The following PHACTR1 variants were observed in gnomAD, a reference collection of about 807,000 sequenced individuals.
PHACTR1 encodes the protein RPEL repeat containing 1.
PHACTR1 carries 16 observed loss-of-function variants against 69.2 expected under a neutral mutation model. The observed-to-expected ratio is 0.23, with a 90% CI of 0.16 to 0.35. PHACTR1 has a LOEUF of 0.35. Ranked by LOEUF, PHACTR1 falls within the 10% of genes least tolerant of loss-of-function variation. PHACTR1 has a pLI of 1.00. For synonymous variants in PHACTR1, 312 were observed against 284.5 expected (o/e 1.10, Z -0.97); for missense variants, 510 against 734.7 (o/e 0.69, Z 3.54).
chr6:13,064,888 T>C (rs1056228085), intron 5 of PHACTR1, among the ~76,000 whole-genome samples: 1 of 151,946 alleles, frequency 6.6e-6, no homozygotes, highest in Non-Finnish European at 1.5e-5. Flanking sequence ...TAGGAATAGA[T>C]TGAAATACAG....
At chr6:12,884,681 G>C (rs1351452450) in intron 4 of PHACTR1, among the ~76,000 whole-genome samples, 1 of 152,204 alleles carries the variant, frequency 6.6e-6, no homozygotes, top group Non-Finnish European at 1.5e-5. Context: ...GGTTACAGGC[G>C]TAAGCCACCG....
chr6:13,095,662 G>A (rs1291287177), intron 5 of PHACTR1, among the ~76,000 whole-genome samples: 1 of 151,630 alleles, frequency 6.6e-6, no homozygotes, highest in African/African-American at 2.4e-5. Flanking sequence ...AATGGAGGAT[G>A]CAGGCAAAGG....
chr6:13,270,694 C>G (rs920130425), intron 10 of PHACTR1, among the ~76,000 whole-genome samples: 1 of 152,210 alleles, frequency 6.6e-6, no homozygotes, highest in Admixed American at 6.5e-5. Context: ...CAATTTCCAA[C>G]AGTTTCAGGG....
Position 12,888,279 on chromosome 6 carries a change from C to G in PHACTR1, c.250+138489C>G, listed in dbSNP as rs181401851. 6.4e-4 allele frequency among the ~76,000 whole-genome samples: 98 copies of G among 152,200 alleles called. 1 individual carries two copies. The highest frequency in any genetic ancestry group is 2.2e-3 in the African/African-American group (91 of 41,520). On this transcript the variant is annotated intron_variant, in intron 4 of 14. Coordinates refer to ENST00000332995, the MANE Select transcript of PHACTR1 (RefSeq NM_030948.6). ...TTGCTCCTTCTACGACATGAGCATGCCTAGCTGGTGCCATCTATTAGGAAT... is the reference window on the plus strand; with the variant it reads ...TTGCTCCTTCTACGACATGAGCATGGCTAGCTGGTGCCATCTATTAGGAAT...
At chr6:12,928,744 C>A (rs1029486800) in intron 4 of PHACTR1, among the ~76,000 whole-genome samples, 4 of 151,942 alleles carry the variant, frequency 2.6e-5, no homozygotes, top group Non-Finnish European at 4.4e-5. Flanking sequence ...AAGGGAGAGC[C>A]CAGCCCCCTG....
intron 4 of PHACTR1, among the ~76,000 whole-genome samples, chr6:12,937,036 AGGCCCC>A (rs1363485151): frequency 6.6e-6 from 1 of 152,186 alleles, no homozygotes; most frequent in Non-Finnish European, 1.5e-5. Flanking sequence ...GAACAGTTTC[AGGCCCC>A]GGTCTTATTT....
chr6:12,923,471 C>T (rs1787935880), intron 4 of PHACTR1, among the ~76,000 whole-genome samples: 1 of 152,212 alleles, frequency 6.6e-6, no homozygotes, highest in Admixed American at 6.5e-5. Flanking sequence ...ATATCCTTGA[C>T]ATCATGCATG....
chr6:13,075,722 C>G (rs1810354388), intron 5 of PHACTR1, among the ~76,000 whole-genome samples: 1 of 152,152 alleles, frequency 6.6e-6, no homozygotes, highest in African/African-American at 2.4e-5. Context: ...TGCTGAATGT[C>G]CAGCATTTGG....
At chr6:12,921,628 GGAGA>G (rs1787689804) in intron 4 of PHACTR1, among the ~76,000 whole-genome samples, 1 of 121,204 alleles carries the variant, frequency 8.3e-6, no homozygotes, top group Non-Finnish European at 1.8e-5. Context: ...AAGGGAGGAA[GGAGA>G]GGGAGGGAGG....
chr6:12,758,374 G>A (rs777896175), intron 4 of PHACTR1, among the ~76,000 whole-genome samples: 8 of 151,022 alleles, frequency 5.3e-5, no homozygotes, highest in Admixed American at 4.0e-4. Flanking sequence ...CCCAGGAGGC[G>A]GAGGTGAGCA....
chr6:12,937,606 T>G (rs1267848615), intron 4 of PHACTR1, among the ~76,000 whole-genome samples: 1 of 152,014 alleles, frequency 6.6e-6, no homozygotes, highest in Non-Finnish European at 1.5e-5. Context: ...GTAAGAGTTA[T>G]GAAGAAAGAT....
At chr6:13,056,363 G>C (rs1197550579) in intron 5 of PHACTR1, among the ~76,000 whole-genome samples, 5 of 152,182 alleles carry the variant, frequency 3.3e-5, no homozygotes, top group Admixed American at 3.3e-4. Flanking sequence ...TCGTGCCACT[G>C]TACTCCAGCT....
intron 4 of PHACTR1, among the ~76,000 whole-genome samples, chr6:12,993,931 A>T (rs1022600419): frequency 6.6e-6 from 1 of 152,362 alleles, no homozygotes; most frequent in African/African-American, 2.4e-5. Context: ...CACATGAAGA[A>T]ATAGACTAGA....
At chr6:13,184,954 C>T (rs898448404) in intron 7 of PHACTR1, 1 of 1,366,578 alleles carries the variant, frequency 7.3e-7, no homozygotes, top group Admixed American at 1.9e-5. Flanking sequence ...TCTCAAGCAG[C>T]CCCCGGCCCT....
Position 13,003,951 on chromosome 6 carries a change from C to CTATATATATATATATATA in PHACTR1, c.251-49401_251-49400insATATATATATATATATAT, listed in dbSNP as rs1384494931. 1.2e-3 allele frequency among the ~76,000 whole-genome samples: 109 copies of CTATATATATATATATATA among 93,498 alleles called. 6 individuals carry two copies. The highest frequency in any genetic ancestry group is 4.3e-3 in the African/African-American group (69 of 16,020). 61.3% of individuals were successfully genotyped at this position (93,498 alleles called of 152,430 possible). A position where few individuals can be genotyped will look rare whatever the true frequency, so the allele number is the denominator to read the frequency against. On this transcript the variant is annotated intron_variant, in intron 4 of 14. Coordinates refer to ENST00000332995, the MANE Select transcript of PHACTR1 (RefSeq NM_030948.6). ...CTTTTTTTATGGCTCAGTAGTATTC[C>CTATATATATATATATATA]TATATATATATATGTATATATATAT...
intron 7 of PHACTR1, among the ~76,000 whole-genome samples, chr6:13,183,761 T>A (rs938097690): frequency 3.9e-5 from 6 of 152,158 alleles, no homozygotes; most frequent in South Asian, 4.1e-4. Context: ...AGTGCTTTTT[T>A]AAAAAGAATC....
At chr6:12,732,308 A>AT (rs113653689) in intron 3 of PHACTR1, among the ~76,000 whole-genome samples, 93,763 of 151,364 alleles carry the variant, frequency 0.62, 29,414 homozygotes, top group East Asian at 0.94. Flanking sequence ...GCACACACAG[A>AT]TTTTTTTTGG....
At chr6:12,959,176 C>CAAAAAAAAAAAAAAAAAAAAAAAAA (rs70989814) in intron 4 of PHACTR1, among the ~76,000 whole-genome samples, 5 of 46,254 alleles carry the variant, frequency 1.1e-4, no homozygotes, top group African/African-American at 3.7e-4. Flanking sequence ...GACTTTATCT[C>CAAAAAAAAAAAAAAAAAAAAAAAAA]AAAAAAAAAA....
chr6:12,958,353 G>T (rs1156695015), intron 4 of PHACTR1, among the ~76,000 whole-genome samples: 1 of 152,206 alleles, frequency 6.6e-6, no homozygotes, highest in Non-Finnish European at 1.5e-5. Flanking sequence ...CAGCTCTTAG[G>T]AACCTCAGGA....
Sources: gnomAD v4.1 joint callset for allele counts (sites outside exome capture counted in the v4.1 genomes callset) on GRCh38, gnomAD v4.1.1 for gene constraint, MANE v1.5 for transcripts, NCBI Gene and HGNC (gene_info 2026-07-23, HGNC 2026-07-21) for gene names.